KCNU1: variants seen among roughly 807,000 people sequenced by gnomAD.
KCNU1 encodes the protein potassium calcium-activated channel subfamily U member 1.
KCNU1 carries 93 observed loss-of-function variants against 126.8 expected under a neutral mutation model. The ratio of observed to expected loss-of-function variants is 0.73; its 90% CI spans 0.62 to 0.87. The LOEUF (loss-of-function observed/expected upper bound fraction) is 0.87. Among genes scored for constraint, KCNU1 ranks in the 40% least tolerant of loss-of-function variants. The probability of loss-of-function intolerance (pLI) is 0.00; values close to 1 mark genes in which losing one functional copy is unlikely to be tolerated. For missense variants in KCNU1, 1,330 were observed against 1,367.1 expected (o/e 0.97, Z 0.43); for synonymous variants, 523 against 494.2 (o/e 1.06, Z -0.77).
intron 19 of KCNU1, among the ~76,000 whole-genome samples, chr8:36,879,211 G>GTATGTATATATATATA (rs1554511846): frequency 2.0e-5 from 2 of 101,754 alleles, no homozygotes; most frequent in Admixed American, 2.5e-4. Flanking sequence ...GTGTGTGTGT[G>GTATGTATATATATATA]TATATATATA....
At position 36,919,428 on chromosome 8, in the gene KCNU1, C is replaced by CAAAA. The variant is rs10699066; in HGVS notation, c.2596+546_2596+549dup. Among the ~76,000 whole-genome samples the CAAAA allele has an allele frequency of 5.6e-3, 613 of 109,422 alleles. 10 individuals are homozygous for CAAAA. Among genetic ancestry groups the CAAAA allele is most frequent in the East Asian group, 0.023 (82 of 3,560 alleles). The allele number at this position is 109,422 out of a possible 152,430, so 71.8% of individuals were successfully genotyped here. A position where few individuals can be genotyped will look rare whatever the true frequency, so the allele number is the denominator to read the frequency against. On this transcript the variant is annotated intron_variant, in intron 23 of 26. Coordinates refer to ENST00000399881, the MANE Select transcript of KCNU1 (RefSeq NM_001031836.3). ...CTGAGTGATACTTTCCTAAAATAGGCAAAAAAAAAAAAAAAAAACTCTCGA... is the reference window on the plus strand; with the variant it reads ...CTGAGTGATACTTTCCTAAAATAGGCAAAAAAAAAAAAAAAAAAAAAACTCTCGA...
At chr8:36,894,617 TAC>T (rs1807109577) in intron 19 of KCNU1, among the ~76,000 whole-genome samples, 1 of 152,126 alleles carries the variant, frequency 6.6e-6, no homozygotes, top group Admixed American at 6.6e-5. Context: ...ATGTTACTGA[TAC>T]AGCTTAGTTA....
intron 26 of KCNU1, among the ~76,000 whole-genome samples, chr8:36,933,313 T>G (rs1808758508): frequency 6.6e-6 from 1 of 152,074 alleles, no homozygotes; most frequent in Admixed American, 6.6e-5. Context: ...GCTCCATGTT[T>G]CAATTTTGTA....
chr8:36,905,700 C>T lies in KCNU1; in HGVS notation c.2010-8C>T, dbSNP rs2117508155. On this transcript the variant is annotated splice_polypyrimidine_tract_variant and splice_region_variant and intron_variant, in intron 19 of 26. Transcript: ENST00000399881. ...GTCTCAAACTAACTCTCCATTCTTC[C>T]TATTTAGGACTCTTCAACATGATGT... 6.8e-7 allele frequency: 1 copy of T among 1,470,008 alleles called. No individual in the cohort carries two copies. Among genetic ancestry groups the T allele is most frequent in the Non-Finnish European group, 9.5e-7 (1 of 1,048,702 alleles). 91.1% of individuals were successfully genotyped at this position (1,470,008 alleles called of 1,614,324 possible).
chr8:36,829,642 A>T (rs550420758), intron 10 of KCNU1, among the ~76,000 whole-genome samples: 1 of 150,824 alleles, frequency 6.6e-6, no homozygotes, highest in East Asian at 1.9e-4. Context: ...TTATTTTATC[A>T]TGTATATTAT....
chr8:36,909,855 T>C (rs1455559747), intron 21 of KCNU1, among the ~76,000 whole-genome samples: 1 of 152,226 alleles, frequency 6.6e-6, no homozygotes, highest in East Asian at 1.9e-4. Flanking sequence ...ACGGTCTTTG[T>C]ACAAATAAGA....
At chr8:36,817,200 T>C (rs1202892241) in intron 9 of KCNU1, among the ~76,000 whole-genome samples, 3 of 152,118 alleles carry the variant, frequency 2.0e-5, no homozygotes, top group Admixed American at 6.6e-5. Flanking sequence ...TTTCAATGTT[T>C]AAAATCTGGG....
intron 4 of KCNU1, 102 bp from the exon 5 acceptor site, chr8:36,806,167 G>C (rs765537331): frequency 6.1e-5 from 40 of 653,944 alleles, no homozygotes; most frequent in Non-Finnish European, 9.8e-5. Flanking sequence ...GGAGATCAAG[G>C]CTTCAGCTGA....
chr8:36,932,984 G>A lies in KCNU1; in HGVS notation c.2996G>A (p.Gly999Asp). Reference protein sequence around the residue: ...SLDLFGILCVGLYRIIDEEEL... With the variant: ...SLDLFGILCVDLYRIIDEEEL... ...GATCTTTTTGGAATCCTGTGTGTTG[G>A]CTTATACCGAATAATTGATGAAGAG... Residue 999 changes from glycine to aspartate, a missense_variant, in exon 26 of 27, where the codon GGC (glycine) becomes GAC (aspartate). By Grantham distance (94) the Gly-to-Asp change is moderately conservative. Around this residue, in one of 3 missense-constraint regions of KCNU1, gnomAD observed 1,054 missense variants for 1,053.9 expected, o/e 1.00. Transcript: ENST00000399881. 6.4e-7 allele frequency: 1 copy of A among 1,573,922 alleles called. No individual in the cohort carries two copies. The highest frequency in any genetic ancestry group is 8.6e-7 in the Non-Finnish European group (1 of 1,157,878).
rs144886521 is a variant in KCNU1 at position 36,802,843 on chromosome 8, T to A, written c.316-1184T>A. On this transcript the variant is annotated intron_variant, in intron 2 of 26. Coordinates refer to ENST00000399881, the MANE Select transcript of KCNU1 (RefSeq NM_001031836.3). ...TTTGTCATCCAGGCTGTGATGTCAATGTGGGGGCAGGGATCTTTGTGTATA... is the reference window on the plus strand; with the variant it reads ...TTTGTCATCCAGGCTGTGATGTCAAAGTGGGGGCAGGGATCTTTGTGTATA... 9.9e-3 allele frequency among the ~76,000 whole-genome samples: 1,513 copies of A among 152,266 alleles called. 33 individuals carry two copies. Among genetic ancestry groups the A allele is most frequent in the Non-Finnish European group, 0.012 (785 of 68,016 alleles).
rs779667909 is a variant in KCNU1, at chr8:36,905,699, C to T, written c.2010-9C>T. 78 of 1,460,698 alleles carry T rather than the reference C, an allele frequency of 5.3e-5. No individual in the cohort carries two copies. The highest frequency in any genetic ancestry group is 4.4e-4 in the Admixed American group (26 of 59,674). 90.5% of individuals were successfully genotyped at this position (1,460,698 alleles called of 1,614,324 possible). ...AGTCTCAAACTAACTCTCCATTCTT[C>T]CTATTTAGGACTCTTCAACATGATG... On this transcript the variant is annotated splice_polypyrimidine_tract_variant and intron_variant, in intron 19 of 26. Coordinates refer to ENST00000399881, the MANE Select transcript of KCNU1 (RefSeq NM_001031836.3).
At chr8:36,854,472 C>CTTT (rs35097649) in intron 18 of KCNU1, among the ~76,000 whole-genome samples, 1 of 135,458 alleles carries the variant, frequency 7.4e-6, no homozygotes, top group Admixed American at 7.4e-5. Context: ...TATGCTGATT[C>CTTT]TTTTTTTTTT....
chr8:36,812,486 A>C (rs538265593), intron 7 of KCNU1, among the ~76,000 whole-genome samples: 1 of 152,318 alleles, frequency 6.6e-6, no homozygotes, highest in African/African-American at 2.4e-5. Context: ...TAGATGCACA[A>C]ATAAAAGTAA....
At chr8:36,824,859 A>G in intron 10 of KCNU1, among the ~76,000 whole-genome samples, 1 of 152,158 alleles carries the variant, frequency 6.6e-6, no homozygotes, top group East Asian at 1.9e-4. Flanking sequence ...TATTCTATGA[A>G]TACACCACAA....
At chr8:36,872,772 A>G (rs1432939579) in intron 19 of KCNU1, among the ~76,000 whole-genome samples, 1 of 152,220 alleles carries the variant, frequency 6.6e-6, no homozygotes, top group African/African-American at 2.4e-5. Flanking sequence ...TTGTGCTAAC[A>G]CCAACAGTTT....
At chr8:36,906,400 C>T (rs754905578) in intron 20 of KCNU1, among the ~76,000 whole-genome samples, 1 of 152,070 alleles carries the variant, frequency 6.6e-6, no homozygotes, top group Non-Finnish European at 1.5e-5. Flanking sequence ...ACTCAACTCA[C>T]AGAAATGCCT....
chr8:36,790,240 A>G (rs1409102056), intron 2 of KCNU1, among the ~76,000 whole-genome samples: 1 of 152,248 alleles, frequency 6.6e-6, no homozygotes, highest in African/African-American at 2.4e-5. Context: ...ATATAACATC[A>G]TTAACATCAC....
chr8:36,856,220 G>T (rs928721620), intron 18 of KCNU1, among the ~76,000 whole-genome samples: 2 of 151,978 alleles, frequency 1.3e-5, no homozygotes, highest in African/African-American at 2.4e-5. Context: ...AACATATTTA[G>T]AATATTGGCT....
At chr8:36,907,533 A>G (rs1807679347) in intron 20 of KCNU1, among the ~76,000 whole-genome samples, 1 of 152,212 alleles carries the variant, frequency 6.6e-6, no homozygotes, top group South Asian at 2.1e-4. Context: ...GTTAAGATTC[A>G]TATCACTCTA....
Sources: allele counts gnomAD v4.1 joint callset (sites outside exome capture counted in the v4.1 genomes callset), GRCh38; gene constraint gnomAD v4.1.1; regional missense constraint gnomAD v4.1.1; transcripts MANE v1.5; gene names NCBI Gene and HGNC (gene_info 2026-07-23, HGNC 2026-07-21).